The following SAMD5 variants were observed in gnomAD, a reference collection of about 807,000 sequenced individuals.
SAMD5 encodes sterile alpha motif domain-containing protein 5.
SAMD5 carries 13 observed loss-of-function variants against 11.3 expected under a neutral mutation model. That is an observed-to-expected ratio of 1.15 (90% CI 0.75 to 1.83). SAMD5 has a LOEUF of 1.83. Among genes scored for constraint, SAMD5 ranks in the 40% most tolerant of loss-of-function variants. The pLI is 0.00. For synonymous variants in SAMD5, 129 were observed against 111.3 expected (o/e 1.16, Z -1.00); for missense variants, 255 against 239.1 (o/e 1.07, Z -0.44).
chr6:147,730,069 TG>T, intron 1 of SAMD5: 1 of 358,354 alleles, frequency 2.8e-6, no homozygotes, highest in South Asian at 1.9e-5. Flanking sequence ...TGGGTGACTC[TG>T]TCTCAAAAAA....
At chr6:147,640,672 C>A (rs1181448273) in intron 1 of SAMD5, among the ~76,000 whole-genome samples, 1 of 151,886 alleles carries the variant, frequency 6.6e-6, no homozygotes, top group Non-Finnish European at 1.5e-5. Context: ...AAACCAGTCC[C>A]ATCCCATTTA....
chr6:147,942,470 C>T, the SAMD5 span, among the ~76,000 whole-genome samples: 1 of 152,214 alleles, frequency 6.6e-6, no homozygotes, highest in Non-Finnish European at 1.5e-5. Context: ...AAATGCTTTG[C>T]TTAACTTCTC....
chr6:147,676,401 C>T (rs560973605), intron 1 of SAMD5, among the ~76,000 whole-genome samples: 105 of 152,088 alleles, frequency 6.9e-4, no homozygotes, highest in Admixed American at 7.2e-4. Flanking sequence ...CTTTCTTAGA[C>T]CACCTAATTT....
chr6:147,543,141 A>T (rs1339851167), intron 1 of SAMD5, among the ~76,000 whole-genome samples: 1 of 152,186 alleles, frequency 6.6e-6, no homozygotes, highest in East Asian at 1.9e-4. Flanking sequence ...TAAGCCACTG[A>T]ACCTATATCT....
chr6:147,564,243 G>A (rs1788999378), intron 1 of SAMD5, 151 bp from the exon 2 acceptor site: 1 of 505,900 alleles, frequency 2.0e-6, no homozygotes, highest in African/African-American at 2.0e-5. Flanking sequence ...TAGATAACAA[G>A]CAAAAACTCT....
At chr6:147,544,036 T>A (rs1208364343) in intron 1 of SAMD5, among the ~76,000 whole-genome samples, 1 of 152,220 alleles carries the variant, frequency 6.6e-6, no homozygotes, top group Non-Finnish European at 1.5e-5. Context: ...AGATAATTTA[T>A]AAAATACTTC....
At chr6:147,515,481 T>TATTCATTC (rs1788155912) in intron 1 of SAMD5, among the ~76,000 whole-genome samples, 4 of 150,802 alleles carry the variant, frequency 2.7e-5, no homozygotes, top group African/African-American at 7.3e-5. Context: ...TCCATTCATT[T>TATTCATTC]ATTCATTCAT....
At chr6:147,672,507 A>G (rs896600433) in intron 1 of SAMD5, among the ~76,000 whole-genome samples, 5 of 152,158 alleles carry the variant, frequency 3.3e-5, no homozygotes, top group African/African-American at 1.2e-4. Context: ...GATGTACTCT[A>G]TTCTTTTGAG....
the SAMD5 span, among the ~76,000 whole-genome samples, chr6:147,795,046 C>A: frequency 1.0e-4 from 15 of 144,442 alleles, no homozygotes; most frequent in South Asian, 2.9e-3. Flanking sequence ...TGAATACATA[C>A]TATGGATCCC....
the SAMD5 span, among the ~76,000 whole-genome samples, chr6:147,779,623 G>A: frequency 4.6e-5 from 7 of 151,882 alleles, no homozygotes; most frequent in East Asian, 1.4e-3. Flanking sequence ...AACCTTCCAA[G>A]TAGCTGGGAT....
At chr6:147,867,396 A>C in the SAMD5 span, among the ~76,000 whole-genome samples, 1 of 151,744 alleles carries the variant, frequency 6.6e-6, no homozygotes, top group Non-Finnish European at 1.5e-5. Context: ...AAAATCAGAA[A>C]ATTTCCTGTG....
rs1789013125 is a variant in SAMD5, at chr6:147,564,950, TATAAG to T, written c.*503_*507del. Reference sequence around the variant, plus strand: ...TTCATTTCATATAGGACCATGTTTTTATAAGATAAGATACATAATTCTATGTAGAA... The same window carrying T: ...TTCATTTCATATAGGACCATGTTTTTATAAGATACATAATTCTATGTAGAA... On this transcript the variant is annotated 3_prime_UTR_variant, in exon 2 of 2. Transcript: ENST00000367474. The T allele has an allele frequency of 4.9e-6, 4 of 823,662 alleles. No homozygotes were observed. Among genetic ancestry groups the T allele is most frequent in the Admixed American group, 6.2e-5 (1 of 16,118 alleles). 51.0% of individuals were successfully genotyped at this position (823,662 alleles called of 1,614,324 possible). A position where few individuals can be genotyped will look rare whatever the true frequency, so the allele number is the denominator to read the frequency against.
chr6:147,936,887 C>T, the SAMD5 span, among the ~76,000 whole-genome samples: 4 of 152,030 alleles, frequency 2.6e-5, no homozygotes, highest in Non-Finnish European at 5.9e-5. Flanking sequence ...CTTTATGTGA[C>T]ACGTCATCAG....
intron 1 of SAMD5, among the ~76,000 whole-genome samples, chr6:147,552,845 A>G (rs1249197773): frequency 6.6e-6 from 1 of 152,222 alleles, no homozygotes; most frequent in Non-Finnish European, 1.5e-5. Flanking sequence ...AAGCTAAATG[A>G]AAAATTTTAA....
the SAMD5 span, among the ~76,000 whole-genome samples, chr6:147,899,102 T>C: frequency 7.6e-6 from 1 of 131,872 alleles, no homozygotes; most frequent in Non-Finnish European, 1.5e-5. Flanking sequence ...ATCTGGGAGG[T>C]GGTGGTTGCA....
chr6:147,739,143 C>A (rs1791844567), downstream of SAMD5, among the ~76,000 whole-genome samples: 1 of 152,184 alleles, frequency 6.6e-6, no homozygotes, highest in Non-Finnish European at 1.5e-5. Flanking sequence ...TCCCTTCAGA[C>A]AGAGCAGGGC....
At chr6:147,734,455 G>T (rs1369334385) in intron 1 of SAMD5, among the ~76,000 whole-genome samples, 2 of 151,972 alleles carry the variant, frequency 1.3e-5, no homozygotes, top group Non-Finnish European at 2.9e-5. Context: ...GGTGGCTCAC[G>T]CCTGTAATCC....
chr6:147,885,219 G>C, the SAMD5 span, among the ~76,000 whole-genome samples: 42 of 152,232 alleles, frequency 2.8e-4, no homozygotes, highest in Non-Finnish European at 4.7e-4. Flanking sequence ...AGCACTTTGG[G>C]AGGCCAAGGA....
chr6:147,806,418 T>G, the SAMD5 span, among the ~76,000 whole-genome samples: 1 of 152,320 alleles, frequency 6.6e-6, no homozygotes, highest in Non-Finnish European at 1.5e-5. Flanking sequence ...ACAATAGATG[T>G]GTCAATTGCC....
Sources: allele counts gnomAD v4.1 joint callset (sites outside exome capture counted in the v4.1 genomes callset), GRCh38; gene constraint gnomAD v4.1.1; transcripts MANE v1.5; gene names NCBI Gene and HGNC (gene_info 2026-07-23, HGNC 2026-07-21).